Variants in DDO observed in about 807,000 individuals in gnomAD.
The protein encoded by DDO is D-aspartate oxidase.
DDO carries 16 observed loss-of-function variants against 16.8 expected under a neutral mutation model. The ratio of observed to expected loss-of-function variants is 0.95; its 90% CI spans 0.65 to 1.45. The LOEUF (loss-of-function observed/expected upper bound fraction) is 1.45. DDO is among the 40% of genes most tolerant of loss of function. DDO has a pLI of 0.00. For missense variants in DDO, 429 were observed against 420.3 expected, an observed-to-expected ratio of 1.02 and a Z score of -0.18; for synonymous variants, 180 against 167.2, an observed-to-expected ratio of 1.08 and a Z score of -0.59.
At chr6:110,388,321 T>TA (rs775807992), downstream of DDO, among the ~76,000 whole-genome samples, 6 of 151,896 alleles carry the variant, frequency 4.0e-5, no homozygotes, top group East Asian at 5.8e-4. Context: ...ACGAGAGAAA[T>TA]AAAAAAAATG....
At chr6:110,403,004 G>C (rs1773530900) in intron 4 of DDO, among the ~76,000 whole-genome samples, 1 of 152,102 alleles carries the variant, frequency 6.6e-6, no homozygotes, top group Non-Finnish European at 1.5e-5. Flanking sequence ...CAATGGACTT[G>C]GTGGCAATAA....
intron 2 of DDO, among the ~76,000 whole-genome samples, chr6:110,409,124 C>A (rs1278334906): frequency 6.6e-6 from 1 of 152,208 alleles, no homozygotes; most frequent in Non-Finnish European, 1.5e-5. Context: ...GGGACCATAC[C>A]ATCCCCCAGG....
chr6:110,389,232 TC>T (rs1773062104), downstream of DDO, among the ~76,000 whole-genome samples: 1 of 152,204 alleles, frequency 6.6e-6, no homozygotes, highest in Non-Finnish European at 1.5e-5. Context: ...ACTGTGGCCT[TC>T]AGACTTACTC....
chr6:110,412,142 A>G (rs1475415201), intron 2 of DDO, among the ~76,000 whole-genome samples: 2 of 152,060 alleles, frequency 1.3e-5, no homozygotes, highest in African/African-American at 4.8e-5. Context: ...GCTACTCAGG[A>G]GGCTGAGGCA....
intron 4 of DDO, among the ~76,000 whole-genome samples, chr6:110,396,737 T>C (rs1773303720): frequency 1.3e-5 from 2 of 152,192 alleles, no homozygotes; most frequent in South Asian, 2.1e-4. Context: ...AGTAAAACTG[T>C]TCATAGATAA....
chr6:110,392,094 T>G lies in DDO; in HGVS notation c.*681A>C. 1 of 743,948 alleles carries G rather than the reference T, an allele frequency of 1.3e-6. No individual in the cohort carries two copies. The highest frequency in any genetic ancestry group is 1.6e-6 in the Non-Finnish European group (1 of 609,544). 46.1% of individuals were successfully genotyped at this position (743,948 alleles called of 1,614,324 possible). A position where few individuals can be genotyped will look rare whatever the true frequency, so the allele number is the denominator to read the frequency against. On this transcript the variant is annotated 3_prime_UTR_variant, in exon 5 of 5. Transcript: ENST00000368924. Reference sequence around the variant, plus strand: ...ACTTCATCTCTGTCTCCTACCATCATTACCAGCTGAGGGGAGGAAAAGCTT... The same window carrying G: ...ACTTCATCTCTGTCTCCTACCATCAGTACCAGCTGAGGGGAGGAAAAGCTT...
intron 2 of DDO, among the ~76,000 whole-genome samples, chr6:110,412,643 C>T (rs547766565): frequency 1.1e-4 from 16 of 152,348 alleles, no homozygotes; most frequent in Admixed American, 7.2e-4. Flanking sequence ...CCCTCCCCTC[C>T]GCCCCTGGGC....
intron 1 of DDO, 37 bp downstream of exon 1, chr6:110,415,429 CG>C (rs1774015377): frequency 6.2e-7 from 1 of 1,611,712 alleles, no homozygotes; most frequent in Non-Finnish European, 8.5e-7. Context: ...AGAGCATGGA[CG>C]GAACGACCCC....
At chr6:110,390,217 G>A (rs2114800953), downstream of DDO, among the ~76,000 whole-genome samples, 1 of 152,206 alleles carries the variant, frequency 6.6e-6, no homozygotes, top group East Asian at 1.9e-4. Flanking sequence ...AGCAGTGGGG[G>A]CCTAGAAGGA....
intron 2 of DDO, among the ~76,000 whole-genome samples, chr6:110,412,868 T>C (rs1435923341): frequency 6.6e-6 from 1 of 152,278 alleles, no homozygotes; most frequent in South Asian, 2.1e-4. Context: ...CCGCACATTA[T>C]GGCCAAGCAT....
At chr6:110,405,090 G>T in intron 3 of DDO, 140 bp from the exon 4 acceptor site, 1 of 839,780 alleles carries the variant, frequency 1.2e-6, no homozygotes, top group Non-Finnish European at 1.8e-6. Flanking sequence ...AGGTGGGAGT[G>T]CAGTGGCACA....
chr6:110,405,053 T>C, intron 3 of DDO, 103 bp from the exon 4 acceptor site: 1 of 1,189,680 alleles, frequency 8.4e-7, no homozygotes, highest in Admixed American at 2.3e-5. Context: ...TATTTTATTT[T>C]TGAGACAGAG....
intron 4 of DDO, among the ~76,000 whole-genome samples, chr6:110,399,936 G>A (rs1773420750): frequency 6.6e-6 from 1 of 152,178 alleles, no homozygotes; most frequent in Admixed American, 6.5e-5. Context: ...GGCAGCCCTC[G>A]GTCCTCTCCT....
intron 3 of DDO, among the ~76,000 whole-genome samples, chr6:110,408,074 G>A (rs1773717262): frequency 6.6e-6 from 1 of 152,108 alleles, no homozygotes; most frequent in African/African-American, 2.4e-5. Context: ...GCAAATCACT[G>A]CATGGTCTCT....
At chr6:110,388,458 T>G (rs571116222), downstream of DDO, among the ~76,000 whole-genome samples, 1 of 152,352 alleles carries the variant, frequency 6.6e-6, no homozygotes, top group South Asian at 2.1e-4. Flanking sequence ...TTTAATTGAT[T>G]GAGAAAAACC....
intron 1 of DDO, 21 bp from the exon 2 acceptor site, chr6:110,413,487 G>A (rs377675163): frequency 3.1e-6 from 5 of 1,602,746 alleles, no homozygotes; most frequent in Non-Finnish European, 4.3e-6. Context: ...GGAAATGGGA[G>A]CTATACCCCT....
chr6:110,408,023 A>T (rs1773715304), intron 3 of DDO, among the ~76,000 whole-genome samples: 1 of 152,062 alleles, frequency 6.6e-6, no homozygotes, highest in South Asian at 2.1e-4. Flanking sequence ...ACATCACCCA[A>T]ATCCAGCATT....
chr6:110,393,690 A>T (rs1341968182), intron 4 of DDO, among the ~76,000 whole-genome samples: 1 of 152,194 alleles, frequency 6.6e-6, no homozygotes, highest in Non-Finnish European at 1.5e-5. Flanking sequence ...TTTCTTATTT[A>T]TACCACTTAT....
In DDO at chr6:110,392,516, A is replaced by C; in HGVS notation, c.*259T>G. On this transcript the variant is annotated 3_prime_UTR_variant, in exon 5 of 5. Coordinates refer to ENST00000368924, the MANE Select transcript of DDO (RefSeq NM_001372108.2). Reference sequence around the variant, plus strand: ...TTCTTTTGTTGTTGGTGTTTTTTTTAGAGGTGGGAACTGGCACCTCTAAAA... The same window carrying C: ...TTCTTTTGTTGTTGGTGTTTTTTTTCGAGGTGGGAACTGGCACCTCTAAAA... 1 of 1,166,846 alleles carries C rather than the reference A, an allele frequency of 8.6e-7. No homozygotes were observed. The highest frequency in any genetic ancestry group is 1.1e-6 in the Non-Finnish European group (1 of 947,692). 72.3% of individuals were successfully genotyped at this position (1,166,846 alleles called of 1,614,324 possible). A position where few individuals can be genotyped will look rare whatever the true frequency, so the allele number is the denominator to read the frequency against.
Sources: allele counts gnomAD v4.1 joint callset (sites outside exome capture counted in the v4.1 genomes callset), GRCh38; gene constraint gnomAD v4.1.1; transcripts MANE v1.5; gene names NCBI Gene and HGNC (gene_info 2026-07-23, HGNC 2026-07-21).